Variants in CTNNA2 observed in about 807,000 individuals in gnomAD.
CTNNA2 encodes the protein catenin alpha-2.
In CTNNA2, 42 loss-of-function variants were observed where a neutral mutation model predicts 101.0. That is an observed-to-expected ratio of 0.42 (90% confidence interval 0.32 to 0.54). CTNNA2 has a LOEUF of 0.54. Ranked by LOEUF, CTNNA2 falls within the 20% of genes least tolerant of loss-of-function variation. The pLI is 0.14. For synonymous variants in CTNNA2, 450 were observed against 456.4 expected (o/e 0.99, Z 0.18); for missense variants, 871 against 1,223.1 (o/e 0.71, Z 4.29).
At chr2:80,501,988 T>C (rs1687916027) in intron 9 of CTNNA2, among the ~76,000 whole-genome samples, 1 of 152,162 alleles carries the variant, frequency 6.6e-6, no homozygotes, top group Non-Finnish European at 1.5e-5. Context: ...AAGTTTGTTA[T>C]AACACACTCT....
chr2:79,683,126 T>C (rs1309618776), intron 2 of CTNNA2, among the ~76,000 whole-genome samples: 5 of 152,216 alleles, frequency 3.3e-5, no homozygotes, highest in Non-Finnish European at 7.3e-5. Context: ...AAGAACCCTC[T>C]GTGGGAGTTA....
chr2:79,415,503 C>T (rs1213138717), intron 4 of CTNNA2, among the ~76,000 whole-genome samples: 2 of 152,142 alleles, frequency 1.3e-5, no homozygotes, highest in Admixed American at 6.6e-5. Flanking sequence ...TTTTATTAAG[C>T]ACCTAATTCA....
intron 9 of CTNNA2, among the ~76,000 whole-genome samples, chr2:80,526,425 C>T (rs1180084716): frequency 6.6e-6 from 1 of 152,200 alleles, no homozygotes; most frequent in African/African-American, 2.4e-5. Flanking sequence ...GTCTCGAACT[C>T]CTGACCTTGT....
At chr2:79,652,098 TGTTGTCACA>T (rs1179171237) in intron 2 of CTNNA2, among the ~76,000 whole-genome samples, 1 of 152,218 alleles carries the variant, frequency 6.6e-6, no homozygotes, top group East Asian at 1.9e-4. Context: ...TCCATTTTTG[TGTTGTCACA>T]GTTGTCACAT....
chr2:79,677,263 C>T (rs1176469983), intron 2 of CTNNA2, among the ~76,000 whole-genome samples: 1 of 152,132 alleles, frequency 6.6e-6, no homozygotes, highest in Non-Finnish European at 1.5e-5. Flanking sequence ...CCTTTAAAGT[C>T]CCTGCCTTCC....
intron 2 of CTNNA2, among the ~76,000 whole-genome samples, chr2:79,291,333 G>A (rs1262421319): frequency 1.3e-5 from 2 of 152,172 alleles, no homozygotes; most frequent in Non-Finnish European, 2.9e-5. Context: ...GTGTATGTCA[G>A]TCTCAGACAT....
intron 3 of CTNNA2, among the ~76,000 whole-genome samples, chr2:79,328,008 C>T (rs1373098250): frequency 1.4e-4 from 22 of 152,080 alleles, no homozygotes; most frequent in Admixed American, 1.4e-3. Context: ...AAGGAAACCA[C>T]TTCTTGGGAG....
intron 11 of CTNNA2, among the ~76,000 whole-genome samples, chr2:80,548,855 G>T (rs1692320979): frequency 1.3e-5 from 2 of 152,156 alleles, no homozygotes; most frequent in Non-Finnish European, 2.9e-5. Context: ...TGCAAGTTTG[G>T]CCCAAGAGAT....
At chr2:79,445,976 G>A (rs914141009) in intron 4 of CTNNA2, among the ~76,000 whole-genome samples, 4 of 152,098 alleles carry the variant, frequency 2.6e-5, no homozygotes, top group Admixed American at 6.6e-5. Context: ...TAAAGAGCAA[G>A]GTGAAGTCCC....
chr2:80,048,556 G>T (rs1449695576), intron 7 of CTNNA2, among the ~76,000 whole-genome samples: 1 of 152,190 alleles, frequency 6.6e-6, no homozygotes, highest in Non-Finnish European at 1.5e-5. Context: ...TTCAATGAAT[G>T]TATTGAGTGA....
At chr2:79,413,018 A>C (rs1284483519) in intron 4 of CTNNA2, among the ~76,000 whole-genome samples, 1 of 152,086 alleles carries the variant, frequency 6.6e-6, no homozygotes, top group African/African-American at 2.4e-5. Context: ...CTAGAGCTAA[A>C]AACTCTTAAT....
chr2:79,936,448 A>C (rs1574355305), intron 7 of CTNNA2, among the ~76,000 whole-genome samples: 1 of 147,646 alleles, frequency 6.8e-6, no homozygotes, highest in Admixed American at 6.8e-5. Context: ...AGACAACCCG[A>C]CCCCCTTTTC....
intron 7 of CTNNA2, among the ~76,000 whole-genome samples, chr2:80,018,142 A>G (rs377031224): frequency 1.3e-5 from 2 of 152,328 alleles, no homozygotes; most frequent in African/African-American, 4.8e-5. Context: ...GGCTTCATAA[A>G]TTAAGAAAGA....
intron 4 of CTNNA2, among the ~76,000 whole-genome samples, chr2:79,419,418 A>G (rs994537889): frequency 2.0e-5 from 3 of 152,152 alleles, no homozygotes; most frequent in Admixed American, 6.6e-5. Context: ...CATTGATTGT[A>G]AAAGAAATTA....
chr2:80,469,989 G>A (rs77616148), intron 9 of CTNNA2, among the ~76,000 whole-genome samples: 2,615 of 152,172 alleles, frequency 0.017, 69 homozygotes, highest in African/African-American at 0.054. Flanking sequence ...CATGGGCAAG[G>A]GTGGCTCCTC....
chr2:79,595,026 T>C (rs1677097091), intron 1 of CTNNA2, among the ~76,000 whole-genome samples: 1 of 152,104 alleles, frequency 6.6e-6, no homozygotes, highest in South Asian at 2.1e-4. Flanking sequence ...CTGATATTGA[T>C]CAAGGAACCT....
At chr2:80,202,420 A>G (rs1707265002) in intron 7 of CTNNA2, among the ~76,000 whole-genome samples, 1 of 151,962 alleles carries the variant, frequency 6.6e-6, no homozygotes, top group Non-Finnish European at 1.5e-5. Flanking sequence ...AGGAGCTACC[A>G]CTCCAGCCTT....
chr2:79,739,862 A>G (rs1671167486), intron 2 of CTNNA2, among the ~76,000 whole-genome samples: 1 of 152,238 alleles, frequency 6.6e-6, no homozygotes, highest in African/African-American at 2.4e-5. Flanking sequence ...ACTATTCATT[A>G]GAATTCATAA....
At chr2:79,435,723 G>A (rs1678705593) in intron 4 of CTNNA2, among the ~76,000 whole-genome samples, 1 of 152,146 alleles carries the variant, frequency 6.6e-6, no homozygotes, top group African/African-American at 2.4e-5. Context: ...GCTGGCGTCT[G>A]GGGCAGCACC....
Sources: gnomAD v4.1 joint callset for allele counts (sites outside exome capture counted in the v4.1 genomes callset) on GRCh38, gnomAD v4.1.1 for gene constraint, MANE v1.5 for transcripts, NCBI Gene and HGNC (gene_info 2026-07-23, HGNC 2026-07-21) for gene names.